LIPC: variants seen among roughly 807,000 people sequenced by gnomAD.
The protein encoded by LIPC is hepatic triacylglycerol lipase.
Under a neutral mutation model 50.7 loss-of-function variants are expected in LIPC, and 44 were observed. The ratio of observed to expected loss-of-function variants is 0.87; its 90% CI spans 0.68 to 1.11. LIPC has a LOEUF of 1.11. Among genes scored for constraint, LIPC ranks in the 50% most tolerant of loss-of-function variants. The pLI is 0.00. For missense variants in LIPC, 697 were observed against 648.2 expected (o/e 1.08, Z -0.82); for synonymous variants, 271 against 256.4 (o/e 1.06, Z -0.54).
chr15:58,470,286 G>A (rs1894746504), intron 1 of LIPC, among the ~76,000 whole-genome samples: 1 of 152,158 alleles, frequency 6.6e-6, no homozygotes, highest in Non-Finnish European at 1.5e-5. Context: ...GTTCAGAGAA[G>A]AGGGTGTTTC....
chr15:58,441,201 G>A (rs1449106396), intron 1 of LIPC, among the ~76,000 whole-genome samples: 1 of 152,204 alleles, frequency 6.6e-6, no homozygotes, highest in Non-Finnish European at 1.5e-5. Flanking sequence ...TCCAAGACAA[G>A]CCTCAAGGCT....
rs529505661 is a variant in LIPC at position 58,541,502 on chromosome 15, A to G, written c.274-283A>G. Among the ~76,000 whole-genome samples the G allele has an allele frequency of 4.0e-5, 6 of 151,734 alleles. No individual in the cohort carries two copies. The South Asian group carries it at 1.0e-3, about 26-fold the overall frequency. ...TGTTCTCGGGAGGGGGCGGGGGGGAACGTTTGGAAAAATCTGGAGACATTT... is the reference window on the plus strand; with the variant it reads ...TGTTCTCGGGAGGGGGCGGGGGGGAGCGTTTGGAAAAATCTGGAGACATTT... On this transcript the variant is annotated intron_variant, in intron 2 of 8. Coordinates refer to ENST00000299022, the MANE Select transcript of LIPC (RefSeq NM_000236.3).
chr15:58,514,905 A>G (rs1490666484), intron 1 of LIPC, among the ~76,000 whole-genome samples: 1 of 152,254 alleles, frequency 6.6e-6, no homozygotes, highest in Non-Finnish European at 1.5e-5. Flanking sequence ...TTAATTAGTT[A>G]AATTGACACT....
intron 1 of LIPC, among the ~76,000 whole-genome samples, chr15:58,506,916 A>G (rs1892169053): frequency 6.6e-6 from 1 of 152,238 alleles, no homozygotes; most frequent in African/African-American, 2.4e-5. Flanking sequence ...GGAAACTTAC[A>G]ATCATTGCAG....
chr15:58,513,800 A>T (rs976859665), intron 1 of LIPC, among the ~76,000 whole-genome samples: 1 of 152,060 alleles, frequency 6.6e-6, no homozygotes, highest in African/African-American at 2.4e-5. Context: ...GGCTCCACTC[A>T]CAAGGGGCTG....
intron 1 of LIPC, among the ~76,000 whole-genome samples, chr15:58,536,418 T>C (rs1472855836): frequency 2.0e-5 from 3 of 152,170 alleles, no homozygotes; most frequent in African/African-American, 7.2e-5. Context: ...TGAGCAGCTG[T>C]GTGCAGGAGG....
chr15:58,468,972 A>T (rs1368332204), intron 1 of LIPC, among the ~76,000 whole-genome samples: 1 of 152,176 alleles, frequency 6.6e-6, no homozygotes, highest in Non-Finnish European at 1.5e-5. Flanking sequence ...TGCTTAATGT[A>T]CCTAAGCTCC....
chr15:58,549,898 A>G (rs1231641169), intron 6 of LIPC, among the ~76,000 whole-genome samples: 1 of 152,246 alleles, frequency 6.6e-6, no homozygotes, highest in Non-Finnish European at 1.5e-5. Context: ...CCTCCGCTGC[A>G]GGCTGCCAAT....
intron 1 of LIPC, among the ~76,000 whole-genome samples, chr15:58,491,720 C>T (rs1164283534): frequency 3.3e-5 from 5 of 152,216 alleles, no homozygotes; most frequent in African/African-American, 9.6e-5. Context: ...GAGTCAAAGT[C>T]GTAGGGCTTT....
chr15:58,567,324 T>C (rs1273505113), intron 8 of LIPC, among the ~76,000 whole-genome samples: 3 of 17,520 alleles, frequency 1.7e-4, no homozygotes, highest in African/African-American at 7.4e-4. Flanking sequence ...TGTATATGTG[T>C]ATATATATAT....
At chr15:58,476,454 T>C (rs866718737) in intron 1 of LIPC, among the ~76,000 whole-genome samples, 2 of 152,192 alleles carry the variant, frequency 1.3e-5, no homozygotes, top group Admixed American at 6.5e-5. Context: ...TGCCACATAG[T>C]TATGCTTCCT....
At position 58,545,935 on chromosome 15, in the gene LIPC, C is replaced by T. The variant is rs1456332277; in HGVS notation, c.768C>T (p.Phe256=). 3 of 1,614,202 alleles carry T rather than the reference C, an allele frequency of 1.9e-6. No individual in the cohort carries two copies. The highest frequency in any genetic ancestry group is 1.1e-5 in the South Asian group (1 of 91,086). The change falls in exon 5 of 9, where the codon TTC becomes TTT. Residue 256 remains phenylalanine, a synonymous_variant. Coordinates refer to ENST00000299022, the MANE Select transcript of LIPC (RefSeq NM_000236.3). ...NGGSFQPGCH[F]LELYRHIAQH... ...GCTCCTTCCAGCCTGGCTGCCACTTCCTAGAGCTCTACAGACATATTGCCC... is the reference window on the plus strand; with the variant it reads ...GCTCCTTCCAGCCTGGCTGCCACTTTCTAGAGCTCTACAGACATATTGCCC...
At chr15:58,538,847 A>AG (rs111571306) in intron 2 of LIPC, among the ~76,000 whole-genome samples, 76 of 152,354 alleles carry the variant, frequency 5.0e-4, no homozygotes, top group African/African-American at 1.6e-3. Context: ...TGTTACACAC[A>AG]GGGGGACATA....
chr15:58,562,817 C>A (rs931226147), intron 7 of LIPC, among the ~76,000 whole-genome samples: 44 of 132,430 alleles, frequency 3.3e-4, no homozygotes, highest in Non-Finnish European at 5.3e-4. Flanking sequence ...CCCCCCCCAA[C>A]CCCACCATCC....
At chr15:58,539,589 C>T (rs1317637382) in intron 2 of LIPC, among the ~76,000 whole-genome samples, 1 of 152,154 alleles carries the variant, frequency 6.6e-6, no homozygotes, top group Non-Finnish European at 1.5e-5. Flanking sequence ...GTGTCTACTT[C>T]ATGACTTAGA....
intron 6 of LIPC, among the ~76,000 whole-genome samples, chr15:58,557,686 C>G (rs1031213410): frequency 1.3e-5 from 2 of 152,070 alleles, no homozygotes; most frequent in African/African-American, 2.4e-5. Flanking sequence ...CGCCCGGCCT[C>G]ATTATATGCT....
At position 58,491,768 on chromosome 15, in the gene LIPC, C is replaced by T. The variant is rs187132973; in HGVS notation, c.89-46565C>T. On this transcript the variant is annotated intron_variant, in intron 1 of 8. Coordinates refer to ENST00000299022, the MANE Select transcript of LIPC (RefSeq NM_000236.3). ...CCATTGCCTGACCAGAGGTACAAAGCACTGGCCCTTCCCTCATCCCTGGCC... is the reference window on the plus strand; with the variant it reads ...CCATTGCCTGACCAGAGGTACAAAGTACTGGCCCTTCCCTCATCCCTGGCC... Among the ~76,000 whole-genome samples, 4 of 152,340 alleles carry T rather than the reference C, an allele frequency of 2.6e-5. No homozygotes were observed. In the East Asian group the frequency reaches 5.8e-4, roughly 22 times the overall value.
intron 1 of LIPC, among the ~76,000 whole-genome samples, chr15:58,466,785 CA>C (rs1894579754): frequency 2.6e-5 from 4 of 152,224 alleles, no homozygotes; most frequent in African/African-American, 9.6e-5. Context: ...TTACCTCCTG[CA>C]AAGCACATGG....
chr15:58,502,468 G>T (rs1392024139), intron 1 of LIPC, among the ~76,000 whole-genome samples: 1 of 151,006 alleles, frequency 6.6e-6, no homozygotes, highest in African/African-American at 2.4e-5. Context: ...CTACCGTTGG[G>T]TTGGTTTGCA....
Sources: allele counts gnomAD v4.1 joint callset (sites outside exome capture counted in the v4.1 genomes callset), GRCh38; gene constraint gnomAD v4.1.1; transcripts MANE v1.5; gene names NCBI Gene and HGNC (gene_info 2026-07-23, HGNC 2026-07-21).